GDAP1: variants seen among roughly 807,000 people sequenced by gnomAD.
GDAP1 encodes ganglioside-induced differentiation-associated protein 1.
Under a neutral mutation model 40.1 loss-of-function variants are expected in GDAP1, and 34 were observed. The observed-to-expected ratio is 0.85, with a 90% CI of 0.64 to 1.13. The LOEUF is 1.13. GDAP1 is among the 50% of genes most tolerant of loss of function. The pLI, the probability that GDAP1 is intolerant of heterozygous loss-of-function variation, is 0.00. For synonymous variants in GDAP1, 170 were observed against 157.4 expected (o/e 1.08, Z -0.60); for missense variants, 374 against 433.7 (o/e 0.86, Z 1.22).
intron 2 of GDAP1, among the ~76,000 whole-genome samples, chr8:74,422,352 C>CTTTCTTTCTTT (rs1563465558): frequency 2.9e-5 from 1 of 34,222 alleles, no homozygotes; most frequent in Admixed American, 3.3e-4. Flanking sequence ...TTTCTTTCTT[C>CTTTCTTTCTTT]CCTTCCTTCC....
In GDAP1 at chr8:74,366,206, A is replaced by G. The variant is rs1373204246; in HGVS notation, c.*1839A>G. The G allele has an allele frequency of 2.2e-6, 1 of 454,164 alleles. No homozygotes were observed. Among genetic ancestry groups the G allele is most frequent in the East Asian group, 7.0e-5 (1 of 14,388 alleles). The allele number at this position is 454,164 out of a possible 1,614,324, so 28.1% of individuals were successfully genotyped here. A position where few individuals can be genotyped will look rare whatever the true frequency, so the allele number is the denominator to read the frequency against. On this transcript the variant is annotated 3_prime_UTR_variant, in exon 6 of 6. Coordinates refer to ENST00000220822, the MANE Select transcript of GDAP1 (RefSeq NM_018972.4). ...CAGTTTCTTTGGAAATACGTTAAAGATAGTGGCAATTTCATATATTTCATG... is the reference window on the plus strand; with the variant it reads ...CAGTTTCTTTGGAAATACGTTAAAGGTAGTGGCAATTTCATATATTTCATG...
intron 2 of GDAP1, among the ~76,000 whole-genome samples, chr8:74,417,590 G>A (rs1339472467): frequency 1.3e-5 from 2 of 149,302 alleles, no homozygotes; most frequent in African/African-American, 5.1e-5. Context: ...AACCCCGTCT[G>A]TACTAAAAAT....
chr8:74,474,328 T>C (rs1425097142), intron 2 of GDAP1, among the ~76,000 whole-genome samples: 2 of 152,226 alleles, frequency 1.3e-5, no homozygotes, highest in Admixed American at 6.5e-5. Flanking sequence ...TCCAACACCA[T>C]GTTGAATAGG....
chr8:74,465,694 C>G (rs958714212), intron 2 of GDAP1, among the ~76,000 whole-genome samples: 1 of 152,164 alleles, frequency 6.6e-6, no homozygotes, highest in Non-Finnish European at 1.5e-5. Flanking sequence ...AGATCTGGCC[C>G]TGGCTCCCTC....
intron 2 of GDAP1, among the ~76,000 whole-genome samples, chr8:74,356,923 C>A (rs1053617902): frequency 6.6e-6 from 1 of 151,938 alleles, no homozygotes; most frequent in South Asian, 2.1e-4. Flanking sequence ...CCATGTTGGC[C>A]GGGATGGTCT....
chr8:74,422,285 TTTTCTTTCTTTCTTTCTTTCTTTC>T (rs556852017), intron 2 of GDAP1, among the ~76,000 whole-genome samples: 42 of 87,738 alleles, frequency 4.8e-4, no homozygotes, highest in Non-Finnish European at 8.4e-4. Flanking sequence ...TTCTTTTTTC[TTTTCTTTCTTTCTTTCTTTCTTTC>T]TTTCTTTCTT....
At chr8:74,360,603 A>C (rs149071543) in intron 3 of GDAP1, among the ~76,000 whole-genome samples, 1 of 152,210 alleles carries the variant, frequency 6.6e-6, no homozygotes, top group Non-Finnish European at 1.5e-5. Flanking sequence ...AGAATATAAC[A>C]TGTTCTCATG....
At chr8:74,477,148 C>A (rs1367360904) in intron 2 of GDAP1, among the ~76,000 whole-genome samples, 1 of 152,166 alleles carries the variant, frequency 6.6e-6, no homozygotes, top group Admixed American at 6.5e-5. Flanking sequence ...CAGTTACATT[C>A]TTTTCTCTAC....
At chr8:74,436,310 T>C (rs1020327263) in intron 2 of GDAP1, among the ~76,000 whole-genome samples, 2 of 152,118 alleles carry the variant, frequency 1.3e-5, no homozygotes. Context: ...ATCAGAAAAC[T>C]GAGGATATCT....
chr8:74,393,747 A>T (rs989026944), intron 2 of GDAP1, among the ~76,000 whole-genome samples: 2 of 152,228 alleles, frequency 1.3e-5, no homozygotes, highest in African/African-American at 4.8e-5. Context: ...AAACTATTGT[A>T]AACCTTTAAG....
At position 74,351,412 on chromosome 8, in the gene GDAP1, A is replaced by T; in HGVS notation, c.256A>T (p.Ile86Leu). The change falls in exon 2 of 6, where the codon ATA (isoleucine) becomes TTA (leucine). Residue 86 changes from isoleucine (I) to leucine (L), a missense_variant. Transcript: ENST00000220822. ...GCCTGTCCTTATCCACGGGGAAAAC[A>T]TAATTTGTGAGGCCACTCAGATCAT... ...EVPVLIHGEN[I>L]ICEATQIIDY... is the part of the protein sequence containing the mutation. 6.2e-7 allele frequency: 1 copy of T among 1,614,140 alleles called. No individual in the cohort carries two copies. Among genetic ancestry groups the T allele is most frequent in the Non-Finnish European group, 8.5e-7 (1 of 1,179,956 alleles).
chr8:74,478,748 C>T (rs1806668455), intron 2 of GDAP1, among the ~76,000 whole-genome samples: 1 of 152,202 alleles, frequency 6.6e-6, no homozygotes, highest in Admixed American at 6.5e-5. Context: ...TGGAGTTCTG[C>T]CCCTACCACT....
chr8:74,483,493 T>C (rs1563481880), intron 2 of GDAP1, among the ~76,000 whole-genome samples: 1 of 152,130 alleles, frequency 6.6e-6, no homozygotes, highest in Non-Finnish European at 1.5e-5. Context: ...TTTTCCTCCT[T>C]ATTAAAGGGT....
chr8:74,381,678 C>A (rs1227725263), intron 2 of GDAP1, among the ~76,000 whole-genome samples: 1 of 151,470 alleles, frequency 6.6e-6, no homozygotes, highest in Admixed American at 6.6e-5. Context: ...ATCGCTTGAA[C>A]CCGGGAGGCA....
chr8:74,406,748 T>A (rs1586824851), intron 2 of GDAP1, among the ~76,000 whole-genome samples: 1 of 150,118 alleles, frequency 6.7e-6, no homozygotes. Context: ...CTTCATTCTT[T>A]ACATCTACCA....
chr8:74,449,233 T>G (rs1423283068), intron 2 of GDAP1, among the ~76,000 whole-genome samples: 1 of 151,972 alleles, frequency 6.6e-6, no homozygotes, highest in East Asian at 1.9e-4. Context: ...TAATTCACCG[T>G]GTTGATTACT....
In GDAP1 at chr8:74,365,671, T is replaced by C; in HGVS notation, c.*1304T>C. ...TTATCATTAATAGGAAAGTCATACC[T>C]AGGAAACAATGACTTTTTGATGGCA... On this transcript the variant is annotated 3_prime_UTR_variant, in exon 6 of 6. Transcript: ENST00000220822. 1 of 454,514 alleles carries C rather than the reference T, an allele frequency of 2.2e-6. No individual in the cohort carries two copies. The highest frequency in any genetic ancestry group is 4.4e-6 in the Non-Finnish European group (1 of 226,784). The allele number at this position is 454,514 out of a possible 1,614,324, so 28.2% of individuals were successfully genotyped here.
intron 2 of GDAP1, among the ~76,000 whole-genome samples, chr8:74,405,626 T>C (rs1369569522): frequency 1.3e-5 from 2 of 150,108 alleles, no homozygotes; most frequent in East Asian, 1.9e-4. Flanking sequence ...TACTGAAAAT[T>C]TGCTATTTAA....
Position 74,366,813 on chromosome 8 carries a change from C to A in GDAP1, c.*2446C>A, listed in dbSNP as rs1466934201. 2.2e-6 allele frequency: 1 copy of A among 453,326 alleles called. No homozygotes were observed. Among genetic ancestry groups the A allele is most frequent in the Non-Finnish European group, 4.4e-6 (1 of 226,520 alleles). The allele number at this position is 453,326 out of a possible 1,614,324, so 28.1% of individuals were successfully genotyped here. A position where few individuals can be genotyped will look rare whatever the true frequency, so the allele number is the denominator to read the frequency against. On this transcript the variant is annotated 3_prime_UTR_variant, in exon 6 of 6. Coordinates refer to ENST00000220822, the MANE Select transcript of GDAP1 (RefSeq NM_018972.4). ...GGTGTTGTTGAATGCAGTAGAGAGA[C>A]CAAGACACTATTCTGTAAGATCAAT... is the stretch of plus-strand genomic sequence containing the variant.
Sources: allele counts gnomAD v4.1 joint callset (sites outside exome capture counted in the v4.1 genomes callset), GRCh38; gene constraint gnomAD v4.1.1; transcripts MANE v1.5; gene names NCBI Gene and HGNC (gene_info 2026-07-23, HGNC 2026-07-21).